Variants in PIK3R5 observed in about 807,000 individuals in gnomAD.
PIK3R5 encodes phosphoinositide-3-kinase regulatory subunit 5, also known as phosphoinositide 3-kinase regulatory subunit 5.
In PIK3R5, 32 loss-of-function variants were observed where a neutral mutation model predicts 94.9. The ratio of observed to expected loss-of-function variants is 0.34; its 90% CI spans 0.25 to 0.45. The LOEUF is 0.45. Ranked by LOEUF, PIK3R5 falls within the 20% of genes least tolerant of loss-of-function variation. The pLI is 1.00. For synonymous variants in PIK3R5, 443 were observed against 479.4 expected (o/e 0.92, Z 0.99); for missense variants, 853 against 1,144.6 (o/e 0.75, Z 3.68).
rs2090756926 is a variant in PIK3R5, at chr17:8,921,943, C to A, written c.-13-10436G>T. 3.3e-5 allele frequency among the ~76,000 whole-genome samples: 5 copies of A among 152,148 alleles called. No individual in the cohort carries two copies. The South Asian group carries it at 1.0e-3, about 31-fold the overall frequency. ...TAGTTAAATATCAAAATTTAAAACT[C>A]TGTGCATTAAAGGATACAATCAACA... On this transcript the variant is annotated intron_variant, in intron 1 of 18. Coordinates refer to ENST00000447110, the MANE Select transcript of PIK3R5 (RefSeq NM_001142633.3).
rs1223539488 is a variant in PIK3R5, at chr17:8,881,522, T to C, written c.2382+108A>G. 1.3e-5 allele frequency: 11 copies of C among 860,902 alleles called. No homozygotes were observed. The highest frequency in any genetic ancestry group is 1.9e-5 in the Non-Finnish European group (10 of 522,796). The allele number at this position is 860,902 out of a possible 1,614,324, so 53.3% of individuals were successfully genotyped here. On this transcript the variant is annotated intron_variant, in intron 17 of 18. Transcript: ENST00000447110. This position sits in a 1 kb window ranked among gnomAD's most constrained non-coding sequence, Gnocchi z 4.8. ...AAGTATGTACACACGGGTGTGTATG[T>C]GCACACATGCACACACATACATGTG... is the stretch of plus-strand genomic sequence containing the variant.
rs59281536 is a variant in PIK3R5 at position 8,945,449 on chromosome 17, C to T, written c.-14+20147G>A. Among the ~76,000 whole-genome samples the T allele has an allele frequency of 8.7e-4, 132 of 152,302 alleles. No homozygotes were observed. Among genetic ancestry groups the T allele is most frequent in the African/African-American group, 2.9e-3 (122 of 41,550 alleles). On this transcript the variant is annotated intron_variant, in intron 1 of 18. Coordinates refer to ENST00000447110, the MANE Select transcript of PIK3R5 (RefSeq NM_001142633.3). This position sits in a 1 kb window ranked among gnomAD's most constrained non-coding sequence, Gnocchi z 4.0. ...AGCCCCTTGGCTACTCCTTCATAAG[C>T]GAGGCTTCACTGGTGACCCAGAGAG...
chr17:8,933,909 C>T (rs1159989277), intron 1 of PIK3R5, among the ~76,000 whole-genome samples: 1 of 152,116 alleles, frequency 6.6e-6, no homozygotes, highest in South Asian at 2.1e-4. Flanking sequence ...AAAAACTCAA[C>T]CCCCGTTTAT....
intron 6 of PIK3R5, among the ~76,000 whole-genome samples, chr17:8,891,318 A>G (rs1007961309): frequency 6.6e-6 from 1 of 152,222 alleles, no homozygotes. Context: ...GGAGCTGGAC[A>G]GCAACGTGGT....
intron 1 of PIK3R5, among the ~76,000 whole-genome samples, chr17:8,913,677 A>G (rs982259718): frequency 1.3e-5 from 2 of 152,188 alleles, no homozygotes; most frequent in African/African-American, 4.8e-5. Flanking sequence ...ACACCGCTGC[A>G]CCCCAGCCTG....
rs1435303591 is a variant in PIK3R5, at chr17:8,881,532, C to T, written c.2382+98G>A. ...ACACGGGTGTGTATGTGCACACATG[C>T]ACACACATACATGTGCACACACACG... On this transcript the variant is annotated intron_variant, in intron 17 of 18. Coordinates refer to ENST00000447110, the MANE Select transcript of PIK3R5 (RefSeq NM_001142633.3). The surrounding 1 kb of genome is among the most constrained non-coding windows in gnomAD (Gnocchi z 4.8). 6 of 927,862 alleles carry T rather than the reference C, an allele frequency of 6.5e-6. No individual in the cohort carries two copies. In the African/African-American group the frequency reaches 6.5e-5, roughly 10 times the overall value. 57.5% of individuals were successfully genotyped at this position (927,862 alleles called of 1,614,324 possible).
At chr17:8,963,528 T>TC (rs980045923) in intron 1 of PIK3R5, among the ~76,000 whole-genome samples, 6 of 21,684 alleles carry the variant, frequency 2.8e-4, no homozygotes, top group Non-Finnish European at 1.0e-3. Context: ...TTCTTCTTCT[T>TC]TTTTTTTTTT....
At chr17:8,952,890 GT>G (rs2091400349) in intron 1 of PIK3R5, among the ~76,000 whole-genome samples, 1 of 152,160 alleles carries the variant, frequency 6.6e-6, no homozygotes, top group Non-Finnish European at 1.5e-5. Context: ...CTGGACCCAA[GT>G]TGCAACTGTG....
At chr17:8,947,593 T>C (rs535223794) in intron 1 of PIK3R5, among the ~76,000 whole-genome samples, 3 of 152,162 alleles carry the variant, frequency 2.0e-5, no homozygotes, top group African/African-American at 7.2e-5. Context: ...AATTAAGCTC[T>C]GAAGGCAAGT....
chr17:8,930,430 T>A (rs572389377), intron 1 of PIK3R5, among the ~76,000 whole-genome samples: 5 of 152,342 alleles, frequency 3.3e-5, no homozygotes, highest in Admixed American at 2.0e-4. Flanking sequence ...ATTGGTGGGA[T>A]ACAGTTAAAG....
chr17:8,941,136 C>T (rs929773487), intron 1 of PIK3R5, among the ~76,000 whole-genome samples: 47 of 152,194 alleles, frequency 3.1e-4, no homozygotes, highest in African/African-American at 1.1e-3. Context: ...GCAGGTCCTA[C>T]TGTGCAGAGA....
At chr17:8,937,137 G>C (rs2091091132) in intron 1 of PIK3R5, among the ~76,000 whole-genome samples, 1 of 152,160 alleles carries the variant, frequency 6.6e-6, no homozygotes, top group South Asian at 2.1e-4. Flanking sequence ...TTAGTTCCAG[G>C]AATGTTGTTT....
At chr17:8,950,564 T>G (rs1036321297) in intron 1 of PIK3R5, among the ~76,000 whole-genome samples, 8 of 152,248 alleles carry the variant, frequency 5.3e-5, no homozygotes, top group African/African-American at 1.7e-4. Context: ...TTTCCATTCC[T>G]ACATTAATTT....
Position 8,943,768 on chromosome 17 carries a change from A to C in PIK3R5, c.-14+21828T>G, listed in dbSNP as rs187233924. ...AGCCTGAGTGACAGAGCAAGACTCC[A>C]TCTAAAAAAAGAAAAAATAAATAAA... On this transcript the variant is annotated intron_variant, in intron 1 of 18. Coordinates refer to ENST00000447110, the MANE Select transcript of PIK3R5 (RefSeq NM_001142633.3). Among the ~76,000 whole-genome samples, 253 of 152,288 alleles carry C rather than the reference A, an allele frequency of 1.7e-3. 1 individual carries two copies. The highest frequency in any genetic ancestry group is 2.9e-3 in the Non-Finnish European group (195 of 68,012).
At chr17:8,894,451 C>G (rs926398791) in intron 5 of PIK3R5, among the ~76,000 whole-genome samples, 1 of 152,164 alleles carries the variant, frequency 6.6e-6, no homozygotes, top group African/African-American at 2.4e-5. Context: ...GTCCGGGGAT[C>G]GGGAAGGACT....
chr17:8,938,469 C>A (rs1191939590), intron 1 of PIK3R5, among the ~76,000 whole-genome samples: 1 of 152,188 alleles, frequency 6.6e-6, no homozygotes, highest in Non-Finnish European at 1.5e-5. Context: ...ACCATCACAA[C>A]TATCTGATCC....
rs750542143 is a variant in PIK3R5 at position 8,955,411 on chromosome 17, T to A, written c.-14+10185A>T. ...CACGTTAGGTCTTGGGAAAACTGAG[T>A]CAGGCAGTCTGGCTGGAGGAGAGCG... is the stretch of plus-strand genomic sequence containing the variant. On this transcript the variant is annotated intron_variant, in intron 1 of 18. Transcript: ENST00000447110. This position sits in a 1 kb window ranked among gnomAD's most constrained non-coding sequence, Gnocchi z 4.4. Among the ~76,000 whole-genome samples, 7 of 152,108 alleles carry A rather than the reference T, an allele frequency of 4.6e-5. No homozygotes were observed. The highest frequency in any genetic ancestry group is 4.6e-4 in the Admixed American group (7 of 15,272).
intron 1 of PIK3R5, among the ~76,000 whole-genome samples, chr17:8,927,823 T>C (rs1375675978): frequency 6.6e-6 from 1 of 152,186 alleles, no homozygotes; most frequent in East Asian, 1.9e-4. Flanking sequence ...GTCATTCTCA[T>C]GGGAGTGAGT....
chr17:8,964,153 G>A (rs2091619636), intron 1 of PIK3R5, among the ~76,000 whole-genome samples: 1 of 152,150 alleles, frequency 6.6e-6, no homozygotes, highest in Admixed American at 6.5e-5. Context: ...CACTTTGGAA[G>A]GCCAAGGTAG....
Sources: allele counts gnomAD v4.1 joint callset (sites outside exome capture counted in the v4.1 genomes callset), GRCh38; gene constraint gnomAD v4.1.1; non-coding constraint Gnocchi (gnomAD v3.1); transcripts MANE v1.5; gene names NCBI Gene and HGNC (gene_info 2026-07-23, HGNC 2026-07-21).